FUT8: variants seen among roughly 807,000 people sequenced by gnomAD.
FUT8 encodes fucosyltransferase 8, also known as alpha-(1,6)-fucosyltransferase.
FUT8 carries 29 observed loss-of-function variants against 71.3 expected under a neutral mutation model. That is an observed-to-expected ratio of 0.41 (90% CI 0.30 to 0.55). FUT8 has a LOEUF of 0.55. Among genes scored for constraint, FUT8 ranks in the 20% least tolerant of loss-of-function variants. The probability of loss-of-function intolerance (pLI) is 0.34; values close to 1 mark genes in which losing one functional copy is unlikely to be tolerated. For missense variants in FUT8, 544 were observed against 702.1 expected, an observed-to-expected ratio of 0.77 and a Z score of 2.55; for synonymous variants, 254 against 239.3, an observed-to-expected ratio of 1.06 and a Z score of -0.57.
chr14:65,599,081 G>T (rs1006483903), intron 3 of FUT8, among the ~76,000 whole-genome samples: 2 of 152,130 alleles, frequency 1.3e-5, no homozygotes, highest in Admixed American at 6.6e-5. Flanking sequence ...GAGTCACCAC[G>T]CCTGGCCCAG....
chr14:65,375,505 C>T, the FUT8 span, among the ~76,000 whole-genome samples: 1 of 152,012 alleles, frequency 6.6e-6, no homozygotes, highest in Admixed American at 6.6e-5. Flanking sequence ...CCTGTGGTTC[C>T]AGCTACTTGG....
chr14:65,689,070 A>AGG (rs1330219701), intron 7 of FUT8, among the ~76,000 whole-genome samples: 3 of 152,204 alleles, frequency 2.0e-5, no homozygotes, highest in African/African-American at 7.2e-5. Flanking sequence ...AGGGGAGAGG[A>AGG]GGGACTCAAA....
chr14:65,702,295 A>T (rs1467133631), intron 7 of FUT8, among the ~76,000 whole-genome samples: 1 of 150,370 alleles, frequency 6.7e-6, no homozygotes, highest in African/African-American at 2.5e-5. Flanking sequence ...CTGTGAGCTG[A>T]GATCATGGCG....
intron 2 of FUT8, among the ~76,000 whole-genome samples, chr14:65,547,594 C>A (rs1306245192): frequency 6.6e-6 from 1 of 151,656 alleles, no homozygotes; most frequent in Non-Finnish European, 1.5e-5. Context: ...AGTTTCTATC[C>A]ACAATCATTT....
chr14:65,557,135 A>G (rs889434133), intron 2 of FUT8, among the ~76,000 whole-genome samples: 2 of 152,170 alleles, frequency 1.3e-5, no homozygotes, highest in East Asian at 1.9e-4. Flanking sequence ...TATCTTACTG[A>G]TATTACACTC....
intron 2 of FUT8, among the ~76,000 whole-genome samples, chr14:65,553,594 G>A (rs534893257): frequency 7.3e-4 from 110 of 151,324 alleles, no homozygotes; most frequent in Non-Finnish European, 1.2e-3. Flanking sequence ...CAATTTTGCC[G>A]GCACAGAATA....
At chr14:65,677,151 T>TGTGCGC in intron 7 of FUT8, among the ~76,000 whole-genome samples, 1,936 of 110,670 alleles carry the variant, frequency 0.017, 24 homozygotes, top group Non-Finnish European at 0.022. Flanking sequence ...TGTGTGTGTG[T>TGTGCGC]GCGCGCGCGC....
At chr14:65,393,992 T>G in the FUT8 span, among the ~76,000 whole-genome samples, 3 of 152,136 alleles carry the variant, frequency 2.0e-5, no homozygotes, top group Admixed American at 6.5e-5. Context: ...GTTTTGCTCT[T>G]GTTGTCCAGG....
At chr14:65,452,221 AG>A (rs1566756248) in intron 1 of FUT8, among the ~76,000 whole-genome samples, 1 of 152,224 alleles carries the variant, frequency 6.6e-6, no homozygotes, top group Non-Finnish European at 1.5e-5. Context: ...TTCAGCATTC[AG>A]TGCTGTCACA....
At chr14:65,630,375 G>A (rs917496445) in intron 6 of FUT8, among the ~76,000 whole-genome samples, 7 of 152,130 alleles carry the variant, frequency 4.6e-5, no homozygotes, top group South Asian at 4.1e-4. Flanking sequence ...TGTACACACC[G>A]TCTTACATAT....
chr14:65,721,753 TTA>T lies in FUT8; in HGVS notation c.836-18_836-17del, dbSNP rs772216128. 1 of 1,613,074 alleles carries T rather than the reference TTA, an allele frequency of 6.2e-7. No individual in the cohort carries two copies. The highest frequency in any genetic ancestry group is 8.5e-7 in the Non-Finnish European group (1 of 1,179,052). On this transcript the variant is annotated intron_variant, in intron 7 of 10. Coordinates refer to ENST00000673929, the MANE Select transcript of FUT8 (RefSeq NM_001371533.1). ...TATAAGGAATACCATGTGGTAATGA[TTA>T]TATGTTTCAATATTGTCAGGTGAAG... is the stretch of plus-strand genomic sequence containing the variant.
At chr14:65,476,122 A>G (rs59676254) in intron 2 of FUT8, among the ~76,000 whole-genome samples, 18,823 of 152,158 alleles carry the variant, frequency 0.12, 1,497 homozygotes, top group East Asian at 0.38. Context: ...CACCTACACT[A>G]TAGGATATTA....
Position 65,525,180 on chromosome 14 carries a change from A to G in FUT8, c.-227-36157A>G, listed in dbSNP as rs566381146. 3.3e-5 allele frequency among the ~76,000 whole-genome samples: 5 copies of G among 152,008 alleles called. No homozygotes were observed. In the South Asian group the frequency reaches 1.0e-3, roughly 32 times the overall value. On this transcript the variant is annotated intron_variant, in intron 2 of 10. Coordinates refer to ENST00000673929, the MANE Select transcript of FUT8 (RefSeq NM_001371533.1). ...TACCTGTGGTAGAATTCGGTTGTGAATCCGTCTGGTCCTGGACTTTTTTTG... is the reference window on the plus strand; with the variant it reads ...TACCTGTGGTAGAATTCGGTTGTGAGTCCGTCTGGTCCTGGACTTTTTTTG...
the FUT8 span, among the ~76,000 whole-genome samples, chr14:65,370,603 G>GTATAAC: frequency 6.7e-6 from 1 of 149,864 alleles, no homozygotes; most frequent in African/African-American, 2.4e-5. Flanking sequence ...ATAAGTATAT[G>GTATAAC]TATAACTATA....
intron 3 of FUT8, among the ~76,000 whole-genome samples, chr14:65,562,959 C>T (rs922778343): frequency 2.6e-5 from 4 of 151,994 alleles, no homozygotes; most frequent in East Asian, 1.9e-4. Context: ...GTTTAGAACT[C>T]GGATTTTTCC....
chr14:65,613,311 A>G (rs748863468), intron 3 of FUT8, among the ~76,000 whole-genome samples: 3 of 152,220 alleles, frequency 2.0e-5, no homozygotes, highest in Non-Finnish European at 4.4e-5. Flanking sequence ...GTCCTATAGT[A>G]TATTGCTGCC....
intron 6 of FUT8, among the ~76,000 whole-genome samples, chr14:65,665,691 A>C (rs990418628): frequency 6.6e-6 from 1 of 152,200 alleles, no homozygotes; most frequent in African/African-American, 2.4e-5. Context: ...CTAAATGCCC[A>C]TCAGTGGTAG....
At chr14:65,368,609 C>T in the FUT8 span, among the ~76,000 whole-genome samples, 5 of 134,876 alleles carry the variant, frequency 3.7e-5, no homozygotes, top group African/African-American at 1.3e-4. Flanking sequence ...GCAAGCTCCG[C>T]CTTCCGGGTT....
the FUT8 span, among the ~76,000 whole-genome samples, chr14:65,379,422 C>T: frequency 1.4e-3 from 208 of 152,074 alleles, no homozygotes; most frequent in African/African-American, 4.8e-3. Flanking sequence ...CCCAGCTACT[C>T]AGGAGGCTGA....
Sources: allele counts gnomAD v4.1 joint callset (sites outside exome capture counted in the v4.1 genomes callset), GRCh38; gene constraint gnomAD v4.1.1; transcripts MANE v1.5; gene names NCBI Gene and HGNC (gene_info 2026-07-23, HGNC 2026-07-21).